The following SORCS1 variants were observed in gnomAD, a reference collection of about 807,000 sequenced individuals.
SORCS1 encodes the protein sortilin related VPS10 domain containing receptor 1.
SORCS1 carries 60 observed loss-of-function variants against 146.1 expected under a neutral mutation model. That is an observed-to-expected ratio of 0.41 (90% confidence interval 0.33 to 0.51). SORCS1 has a LOEUF of 0.51. Among genes scored for constraint, SORCS1 ranks in the 20% least tolerant of loss-of-function variants. The pLI is 0.21. For synonymous variants in SORCS1, 637 were observed against 584.0 expected (o/e 1.09, Z -1.31); for missense variants, 1,352 against 1,487.6 (o/e 0.91, Z 1.50).
At chr10:106,920,006 T>C (rs148292654) in intron 2 of SORCS1, among the ~76,000 whole-genome samples, 41 of 152,258 alleles carry the variant, frequency 2.7e-4, no homozygotes, top group African/African-American at 9.6e-4. Flanking sequence ...TCCTCAGAGG[T>C]TGCTGATGAC....
At chr10:107,068,431 A>G (rs572968009) in intron 1 of SORCS1, among the ~76,000 whole-genome samples, 1 of 152,340 alleles carries the variant, frequency 6.6e-6, no homozygotes, top group East Asian at 1.9e-4. Context: ...ACCTTATGAC[A>G]AATCACCAGG....
At chr10:106,741,528 G>A (rs1857361895) in intron 5 of SORCS1, among the ~76,000 whole-genome samples, 1 of 152,124 alleles carries the variant, frequency 6.6e-6, no homozygotes, top group South Asian at 2.1e-4. Flanking sequence ...AACCCAGGAA[G>A]CAGAGTTTGC....
intron 2 of SORCS1, among the ~76,000 whole-genome samples, chr10:106,943,265 A>G (rs1954143672): frequency 6.6e-6 from 1 of 152,192 alleles, no homozygotes; most frequent in Admixed American, 6.5e-5. Context: ...TTCAAGCAGC[A>G]GCAACTCCAA....
At chr10:106,809,642 A>T (rs1947361716) in intron 3 of SORCS1, among the ~76,000 whole-genome samples, 1 of 152,170 alleles carries the variant, frequency 6.6e-6, no homozygotes, top group Admixed American at 6.5e-5. Context: ...TTCTTCCATT[A>T]GTTCTACAGC....
intron 2 of SORCS1, among the ~76,000 whole-genome samples, chr10:106,931,353 A>G (rs1589732598): frequency 6.6e-6 from 1 of 152,364 alleles, no homozygotes; most frequent in Non-Finnish European, 1.5e-5. Flanking sequence ...GCAGTAGGAC[A>G]GAAAAGTGAT....
At chr10:106,661,413 A>G (rs1232819831) in intron 17 of SORCS1, among the ~76,000 whole-genome samples, 1 of 152,218 alleles carries the variant, frequency 6.6e-6, no homozygotes, top group Non-Finnish European at 1.5e-5. Flanking sequence ...TTTTTGTTTT[A>G]CAAATGAGAA....
At chr10:107,050,480 C>T (rs1260137083) in intron 1 of SORCS1, among the ~76,000 whole-genome samples, 2 of 152,254 alleles carry the variant, frequency 1.3e-5, no homozygotes, top group East Asian at 1.9e-4. Context: ...GATTGTAGAA[C>T]AGTTCAATAG....
chr10:106,982,050 C>T (rs908759933), intron 1 of SORCS1, among the ~76,000 whole-genome samples: 1 of 152,034 alleles, frequency 6.6e-6, no homozygotes, highest in African/African-American at 2.4e-5. Flanking sequence ...ATACATTAGC[C>T]GAGGCACAGT....
At position 106,747,462 on chromosome 10, in the gene SORCS1, C is replaced by T. The variant is rs141532095; in HGVS notation, c.959+14126G>A. Among the ~76,000 whole-genome samples, 817 of 152,322 alleles carry T rather than the reference C, an allele frequency of 5.4e-3. 5 individuals carry two copies. The highest frequency in any genetic ancestry group is 9.1e-3 in the Non-Finnish European group (618 of 68,034). On this transcript the variant is annotated intron_variant, in intron 5 of 25. Transcript: ENST00000263054. ...TATCTTTGATCCTGAGATTCCGATG[C>T]ATAAATACATCAGGGCTCATCACCT...
chr10:106,916,646 T>C lies in SORCS1; in HGVS notation c.626+39867A>G, dbSNP rs1247820780. Among the ~76,000 whole-genome samples, 5 of 149,482 alleles carry C rather than the reference T, an allele frequency of 3.3e-5. No individual in the cohort carries two copies. In the East Asian group the frequency reaches 9.7e-4, roughly 29 times the overall value. On this transcript the variant is annotated intron_variant, in intron 2 of 25. Coordinates refer to ENST00000263054, the MANE Select transcript of SORCS1 (RefSeq NM_052918.5). ...AGAAATTGGACCTGGAAAAAAAATTTATAAAATAATAAATTATATAAATAT... is the reference window on the plus strand; with the variant it reads ...AGAAATTGGACCTGGAAAAAAAATTCATAAAATAATAAATTATATAAATAT...
rs78272619 is a variant in SORCS1, at chr10:107,106,707, T to C, written c.558+57262A>G. ...ATATATGTGTACTATATAGACTGAA[T>C]GTTTATGCCCTCCCCTCCCAAATTC... On this transcript the variant is annotated intron_variant, in intron 1 of 25. Transcript: ENST00000263054. Among the ~76,000 whole-genome samples, 1,408 of 152,252 alleles carry C rather than the reference T, an allele frequency of 9.2e-3. 21 individuals are homozygous for C. The highest frequency in any genetic ancestry group is 0.032 in the African/African-American group (1,332 of 41,544).
chr10:106,864,770 A>C (rs1950166441), intron 2 of SORCS1, among the ~76,000 whole-genome samples: 1 of 152,172 alleles, frequency 6.6e-6, no homozygotes, highest in South Asian at 2.1e-4. Flanking sequence ...GCTGTGTGGC[A>C]GACTTAGCTT....
intron 23 of SORCS1, among the ~76,000 whole-genome samples, chr10:106,601,006 T>A (rs895308739): frequency 7.2e-5 from 11 of 152,198 alleles, no homozygotes; most frequent in Admixed American, 2.6e-4. Flanking sequence ...CAATATGGGC[T>A]ACAGGAGTGG....
intron 1 of SORCS1, among the ~76,000 whole-genome samples, chr10:107,149,018 T>C (rs1968555365): frequency 6.6e-6 from 1 of 152,184 alleles, no homozygotes; most frequent in Non-Finnish European, 1.5e-5. Flanking sequence ...CGGGACCTTG[T>C]AACATCATCT....
intron 2 of SORCS1, among the ~76,000 whole-genome samples, chr10:106,865,459 C>T (rs956058976): frequency 6.6e-6 from 1 of 152,172 alleles, no homozygotes; most frequent in Non-Finnish European, 1.5e-5. Context: ...CATGGTGGCT[C>T]ATGCCTGTAA....
intron 24 of SORCS1, among the ~76,000 whole-genome samples, chr10:106,580,176 A>G (rs985865727): frequency 6.6e-6 from 1 of 152,154 alleles, no homozygotes; most frequent in Non-Finnish European, 1.5e-5. Flanking sequence ...CAGGAAACTG[A>G]TGGCCAAGTG....
chr10:106,795,118 T>G (rs1946493541), intron 3 of SORCS1, among the ~76,000 whole-genome samples: 1 of 152,324 alleles, frequency 6.6e-6, no homozygotes, highest in East Asian at 1.9e-4. Flanking sequence ...AAATTAAAAG[T>G]TCTAACACCA....
intron 5 of SORCS1, among the ~76,000 whole-genome samples, chr10:106,733,156 G>C (rs1291657810): frequency 7.3e-6 from 1 of 136,942 alleles, no homozygotes; most frequent in Non-Finnish European, 1.6e-5. Context: ...AGAAAAAAAA[G>C]AGGCAAGAGC....
At chr10:107,111,235 A>G (rs1965677259) in intron 1 of SORCS1, among the ~76,000 whole-genome samples, 1 of 152,252 alleles carries the variant, frequency 6.6e-6, no homozygotes, top group South Asian at 2.1e-4. Flanking sequence ...AGAAATGGAG[A>G]TCTACAAATT....
Sources: allele counts gnomAD v4.1 joint callset (sites outside exome capture counted in the v4.1 genomes callset), GRCh38; gene constraint gnomAD v4.1.1; transcripts MANE v1.5; gene names NCBI Gene and HGNC (gene_info 2026-07-23, HGNC 2026-07-21).